The following ADAMTS9 variants were observed in gnomAD, a reference collection of about 807,000 sequenced individuals.
The protein encoded by ADAMTS9 is A disintegrin and metalloproteinase with thrombospondin motifs 9.
ADAMTS9 carries 107 observed loss-of-function variants against 257.1 expected under a neutral mutation model. That is an observed-to-expected ratio of 0.42 (90% CI 0.36 to 0.49). The LOEUF (loss-of-function observed/expected upper bound fraction) is 0.49. Ranked by LOEUF, ADAMTS9 falls within the 20% of genes least tolerant of loss-of-function variation. The pLI is 0.03. For synonymous variants in ADAMTS9, 982 were observed against 880.9 expected (o/e 1.11, Z -2.03); for missense variants, 2,353 against 2,469.1 (o/e 0.95, Z 1.00).
At chr3:64,614,857 G>A (rs2084732430) in intron 21 of ADAMTS9, 1 of 149,898 alleles carries the variant, frequency 6.7e-6, no homozygotes, top group Non-Finnish European at 1.5e-5. Context: ...TTTTTTCCGA[G>A]TTTTATTTTT....
chr3:64,575,974 T>C (rs2083834570), intron 28 of ADAMTS9, among the ~76,000 whole-genome samples: 1 of 152,192 alleles, frequency 6.6e-6, no homozygotes, highest in Non-Finnish European at 1.5e-5. Flanking sequence ...AACAGAGGCA[T>C]TGATAGGTAA....
chr3:64,601,389 C>T (rs949248076), intron 26 of ADAMTS9, among the ~76,000 whole-genome samples: 6 of 152,164 alleles, frequency 3.9e-5, no homozygotes, highest in African/African-American at 9.7e-5. Context: ...ATCAAACCTA[C>T]GCATCTTCCC....
At chr3:64,573,108 G>GA (rs57880752) in intron 28 of ADAMTS9, among the ~76,000 whole-genome samples, 29,562 of 145,902 alleles carry the variant, frequency 0.2, 3,529 homozygotes, top group African/African-American at 0.32. Context: ...AATGGAAAAA[G>GA]AAAAAAAGAA....
chr3:64,523,418 G>T (rs1202363408), intron 38 of ADAMTS9, among the ~76,000 whole-genome samples: 1 of 152,124 alleles, frequency 6.6e-6, no homozygotes, highest in Non-Finnish European at 1.5e-5. Flanking sequence ...GGAACAATTT[G>T]TGGAATAGTG....
intron 32 of ADAMTS9, among the ~76,000 whole-genome samples, chr3:64,543,874 G>C (rs559715384): frequency 1.3e-5 from 2 of 152,124 alleles, no homozygotes; most frequent in African/African-American, 4.8e-5. Flanking sequence ...AAACCCCATC[G>C]TCTCAGCCCA....
chr3:64,634,263 TAGA>T (rs1176964915), intron 12 of ADAMTS9, among the ~76,000 whole-genome samples: 2 of 152,158 alleles, frequency 1.3e-5, no homozygotes, highest in African/African-American at 4.8e-5. Context: ...GTTTAAAATG[TAGA>T]AGGTGAAAGG....
At chr3:64,650,134 T>A (rs918268001) in intron 9 of ADAMTS9, 3 of 178,088 alleles carry the variant, frequency 1.7e-5, no homozygotes, top group East Asian at 1.5e-4. Context: ...CAGGGCCCTG[T>A]CCATGACAAC....
chr3:64,568,427 C>G lies in ADAMTS9; in HGVS notation c.4465G>C (p.Gly1489Arg). The G allele has an allele frequency of 6.2e-7, 1 of 1,613,824 alleles. No individual in the cohort carries two copies. The highest frequency in any genetic ancestry group is 1.1e-5 in the South Asian group (1 of 91,008). Residue 1489 changes from glycine to arginine, a missense_variant, in exon 29 of 40, where the codon GGG becomes CGG. This residue lies in a region of ADAMTS9 where 1,402 missense variants were observed against 1,441.4 expected (regional missense o/e 0.97). Coordinates refer to ENST00000498707, the MANE Select transcript of ADAMTS9 (RefSeq NM_182920.2). The stretch of plus-strand genomic sequence containing the variant: ...CTTCCTCCTCGGCACTTTCTGTGCC[C>G]ATGTGGCTTAGCCAGGTGCTTACAG... ...DYCKHLAKPH[G>R]HRKCRGGRCP...
At chr3:64,557,083 G>A (rs545459896) in intron 30 of ADAMTS9, among the ~76,000 whole-genome samples, 22 of 152,192 alleles carry the variant, frequency 1.4e-4, no homozygotes, top group Non-Finnish European at 1.8e-4. Context: ...ATCTGACTCA[G>A]ATTTAGTGGG....
intron 26 of ADAMTS9, among the ~76,000 whole-genome samples, chr3:64,597,260 G>A (rs2084384124): frequency 6.6e-6 from 1 of 152,114 alleles, no homozygotes; most frequent in Non-Finnish European, 1.5e-5. Context: ...TGCCTAATGT[G>A]ACTTCCAAAG....
At chr3:64,535,557 T>C (rs1307733855) in intron 37 of ADAMTS9, among the ~76,000 whole-genome samples, 5 of 131,076 alleles carry the variant, frequency 3.8e-5, no homozygotes, top group East Asian at 3.2e-4. Context: ...CTTTTCTTTT[T>C]TTTTTTTTTT....
intron 3 of ADAMTS9, among the ~76,000 whole-genome samples, chr3:64,672,990 A>T (rs982342513): frequency 3.6e-5 from 5 of 137,996 alleles, no homozygotes; most frequent in Non-Finnish European, 7.9e-5. Flanking sequence ...TATTCAGTAC[A>T]GTCACATACT....
chr3:64,531,871 G>C (rs1052293877), intron 38 of ADAMTS9, among the ~76,000 whole-genome samples: 2 of 152,212 alleles, frequency 1.3e-5, no homozygotes, highest in African/African-American at 4.8e-5. Context: ...CGGGAGAAAT[G>C]GGCCATGCCT....
At chr3:64,648,099 C>T in intron 10 of ADAMTS9, 55 bp from the exon 11 acceptor site, 1 of 1,496,552 alleles carries the variant, frequency 6.7e-7, no homozygotes. Flanking sequence ...TTGGCAGTAT[C>T]AAACAAAGCA....
chr3:64,660,273 AAC>A (rs1198398490), intron 3 of ADAMTS9, among the ~76,000 whole-genome samples: 1 of 152,214 alleles, frequency 6.6e-6, no homozygotes, highest in African/African-American at 2.4e-5. Context: ...AAAAATTAAA[AAC>A]AGTTAAATTT....
chr3:64,529,034 G>C (rs2082945479), intron 38 of ADAMTS9, among the ~76,000 whole-genome samples: 2 of 152,214 alleles, frequency 1.3e-5, no homozygotes, highest in Admixed American at 1.3e-4. Context: ...CGGCAGGTTG[G>C]AGAGGCTGAT....
At chr3:64,582,623 T>C (rs1473958939) in intron 28 of ADAMTS9, 3 of 152,166 alleles carry the variant, frequency 2.0e-5, no homozygotes, top group Admixed American at 6.5e-5. Flanking sequence ...TCTGAAGATA[T>C]TTTTCACTGT....
intron 8 of ADAMTS9, among the ~76,000 whole-genome samples, chr3:64,652,590 C>A (rs1367552703): frequency 6.6e-5 from 10 of 152,104 alleles, no homozygotes; most frequent in Admixed American, 6.5e-4. Context: ...AAGTTTATTA[C>A]CTCATGTAAA....
chr3:64,574,809 C>T (rs2083793638), intron 28 of ADAMTS9, among the ~76,000 whole-genome samples: 2 of 152,090 alleles, frequency 1.3e-5, no homozygotes, highest in African/African-American at 2.4e-5. Context: ...GTTAAGACAA[C>T]CAGTTGCTCA....
Sources: allele counts gnomAD v4.1 joint callset (sites outside exome capture counted in the v4.1 genomes callset), GRCh38; gene constraint gnomAD v4.1.1; regional missense constraint gnomAD v4.1.1; transcripts MANE v1.5; gene names NCBI Gene and HGNC (gene_info 2026-07-23, HGNC 2026-07-21).